The following TEX14 variants were observed in gnomAD, a reference collection of about 807,000 sequenced individuals.
TEX14 encodes the protein testis expressed 14, intercellular bridge forming factor.
TEX14 carries 168 observed loss-of-function variants against 178.6 expected under a neutral mutation model. The observed-to-expected ratio is 0.94, with a 90% confidence interval of 0.83 to 1.07. The LOEUF (loss-of-function observed/expected upper bound fraction) is 1.07. Ranked by LOEUF, TEX14 falls within the 50% of genes least tolerant of loss-of-function variation. TEX14 has a pLI of 0.00. For missense variants in TEX14, 1,730 were observed against 1,753.6 expected (o/e 0.99, Z 0.24); for synonymous variants, 626 against 634.1 (o/e 0.99, Z 0.19).
In TEX14 at chr17:58,564,997, T is replaced by G. The variant is rs754685650; in HGVS notation, c.3965-29A>C. 1.4e-5 allele frequency: 20 copies of G among 1,436,764 alleles called. No individual in the cohort carries two copies. The South Asian group carries it at 2.2e-4, about 16-fold the overall frequency. The allele number at this position is 1,436,764 out of a possible 1,614,324, so 89.0% of individuals were successfully genotyped here. On this transcript the variant is annotated intron_variant, in intron 27 of 31. Coordinates refer to ENST00000349033, the MANE Select transcript of TEX14 (RefSeq NM_031272.5). ...AAAACAGTTGAAAGAATTAACTTTA[T>G]TAGAACGAAAAAAAAATTGAGAAAG...
chr17:58,579,807 G>T, intron 19 of TEX14, 76 bp from the exon 20 acceptor site: 1 of 1,185,172 alleles, frequency 8.4e-7, no homozygotes, highest in Non-Finnish European at 1.2e-6. Flanking sequence ...ATAATTTCTT[G>T]ATGTTCTTAA....
At chr17:58,588,095 T>C (rs2045026576) in intron 15 of TEX14, 74 bp from the exon 16 acceptor site, 1 of 705,336 alleles carries the variant, frequency 1.4e-6, no homozygotes. Flanking sequence ...TTCATGATTA[T>C]AAAAGTGCTC....
At chr17:58,570,167 C>CA (rs11289066) in intron 25 of TEX14, among the ~76,000 whole-genome samples, 12 of 149,578 alleles carry the variant, frequency 8.0e-5, no homozygotes, top group Non-Finnish European at 1.0e-4. Context: ...AAAAGATATG[C>CA]AAAAAAAAAA....
Position 58,599,092 on chromosome 17 carries a change from G to A in TEX14, c.2253C>T (p.Ile751=), listed in dbSNP as rs769666781. 1.4e-5 allele frequency: 22 copies of A among 1,613,870 alleles called. No individual in the cohort carries two copies. Among genetic ancestry groups the A allele is most frequent in the East Asian group, 6.7e-5 (3 of 44,886 alleles). Reference sequence around the variant, plus strand: ...TCTCGACTTCATCTAATATCTGCTCGATATTCCTCAGCCTATCATCATTCT... The same window carrying A: ...TCTCGACTTCATCTAATATCTGCTCAATATTCCTCAGCCTATCATCATTCT... ...MHENDDRLRN[I]EQILDEVEMK... The change falls in exon 14 of 32, where the codon ATC becomes ATT. Residue 751 remains isoleucine, a synonymous_variant. Transcript: ENST00000349033.
intron 1 of TEX14, among the ~76,000 whole-genome samples, chr17:58,666,850 T>G (rs950624358): frequency 6.6e-6 from 1 of 152,220 alleles, no homozygotes; most frequent in African/African-American, 2.4e-5. Context: ...GTAACAGAGT[T>G]GTGCAAATCC....
chr17:58,565,155 T>C (rs2044371881), intron 27 of TEX14, among the ~76,000 whole-genome samples, 187 bp from the exon 28 acceptor site: 1 of 152,212 alleles, frequency 6.6e-6, no homozygotes, highest in Non-Finnish European at 1.5e-5. Context: ...TTGCAGCAGC[T>C]GCTTCTGGGG....
intron 9 of TEX14, among the ~76,000 whole-genome samples, chr17:58,613,124 T>C (rs1002123811): frequency 1.3e-5 from 2 of 150,258 alleles, no homozygotes; most frequent in Non-Finnish European, 3.0e-5. Flanking sequence ...ATCACTTGAA[T>C]CCAGGAGGTA....
Position 58,623,068 on chromosome 17 carries a change from G to A in TEX14, c.252-56C>T, listed in dbSNP as rs1598394967. On this transcript the variant is annotated intron_variant, in intron 3 of 31. Coordinates refer to ENST00000349033, the MANE Select transcript of TEX14 (RefSeq NM_031272.5). ...CATGGCAATGCTCCTGCATTCCATGGAGCGGGGCTCAGCGTGCAACACAGG... is the reference window on the plus strand; with the variant it reads ...CATGGCAATGCTCCTGCATTCCATGAAGCGGGGCTCAGCGTGCAACACAGG... The A allele has an allele frequency of 2.6e-6, 4 of 1,530,220 alleles. No individual in the cohort carries two copies. The East Asian group carries it at 9.2e-5, about 35-fold the overall frequency. 94.8% of individuals were successfully genotyped at this position (1,530,220 alleles called of 1,614,324 possible). A position where few individuals can be genotyped will look rare whatever the true frequency, so the allele number is the denominator to read the frequency against.
chr17:58,604,454 G>C (rs147921388), intron 11 of TEX14, among the ~76,000 whole-genome samples: 2,040 of 151,250 alleles, frequency 0.013, 24 homozygotes, highest in Non-Finnish European at 0.022. Context: ...CTGGGTGTCA[G>C]AGCAAGACTC....
intron 19 of TEX14, among the ~76,000 whole-genome samples, chr17:58,584,025 G>C (rs951675482): frequency 6.6e-6 from 1 of 152,176 alleles, no homozygotes; most frequent in Admixed American, 6.5e-5. Context: ...AACTGCAGTG[G>C]AAACGCATAT....
intron 1 of TEX14, among the ~76,000 whole-genome samples, chr17:58,654,218 A>G (rs1251205867): frequency 6.6e-6 from 1 of 152,114 alleles, no homozygotes; most frequent in East Asian, 1.9e-4. Flanking sequence ...CTGGTGCCTG[A>G]GTACTACAAG....
At chr17:58,581,383 G>T (rs1407280379) in intron 19 of TEX14, among the ~76,000 whole-genome samples, 2 of 151,222 alleles carry the variant, frequency 1.3e-5, no homozygotes, top group East Asian at 3.9e-4. Context: ...CCACAATTTT[G>T]GGAGAAACTG....
Position 58,598,999 on chromosome 17 carries a change from G to T in TEX14, c.2346C>A (p.Tyr782Ter), listed in dbSNP as rs1366457982. Reference sequence around the variant, plus strand: ...GAGGGCCCACGGCCAGAGGTAACTTGTAGGCATTTGTAAACTCTCTTGAAG... The same window carrying T: ...GAGGGCCCACGGCCAGAGGTAACTTTTAGGCATTTGTAAACTCTCTTGAAG... ...WATSREFTNA[Y>*]KLPLAVGPPS... Residue 782 changes from tyrosine to a stop codon, truncating the protein, a stop_gained, in exon 14 of 32, where the codon TAC (tyrosine) becomes TAA (stop). Coordinates refer to ENST00000349033, the MANE Select transcript of TEX14 (RefSeq NM_031272.5). LOFTEE classifies it high-confidence loss of function. 6.2e-7 allele frequency: 1 copy of T among 1,614,070 alleles called. No individual in the cohort carries two copies. The highest frequency in any genetic ancestry group is 1.1e-5 in the South Asian group (1 of 91,078).
intron 5 of TEX14, among the ~76,000 whole-genome samples, chr17:58,619,707 CA>C (rs753434488): frequency 2.7e-5 from 4 of 148,686 alleles, no homozygotes; most frequent in Admixed American, 6.9e-5. Flanking sequence ...GAGGCTGAGG[CA>C]GGAGAATTGC....
Position 58,631,817 on chromosome 17 carries a change from A to G in TEX14, c.137-1263T>C, listed in dbSNP as rs1023123245. On this transcript the variant is annotated intron_variant, in intron 2 of 31. Transcript: ENST00000349033. The stretch of plus-strand genomic sequence containing the variant: ...CCTCGAGAAACACACTATAGAAATT[A>G]TCCCTCAAAATATAGTCTTAATGTC... 6 of 148,944 alleles carry G rather than the reference A, an allele frequency of 4.0e-5. No homozygotes were observed. The South Asian group carries it at 8.3e-4, about 21-fold the overall frequency. 9.2% of individuals were successfully genotyped at this position (148,944 alleles called of 1,614,324 possible).
chr17:58,562,803 G>A (rs753158025), intron 28 of TEX14, among the ~76,000 whole-genome samples: 4 of 151,266 alleles, frequency 2.6e-5, no homozygotes, highest in Admixed American at 6.6e-5. Context: ...GAGCCACTGC[G>A]CCTGGCCCCT....
chr17:58,666,703 ACTTGCGT>A (rs1282387744), intron 1 of TEX14: 2 of 152,226 alleles, frequency 1.3e-5, no homozygotes, highest in Non-Finnish European at 2.9e-5. Context: ...ATTATGAGGT[ACTTGCGT>A]GACCCCAGCA....
intron 1 of TEX14, among the ~76,000 whole-genome samples, chr17:58,684,625 T>C (rs2047560383): frequency 7.1e-6 from 1 of 141,666 alleles, no homozygotes; most frequent in South Asian, 2.3e-4. Context: ...AGTGAGACCC[T>C]GTCTCAAATA....
At chr17:58,614,961 A>C (rs1029527755) in intron 8 of TEX14, among the ~76,000 whole-genome samples, 2 of 152,212 alleles carry the variant, frequency 1.3e-5, no homozygotes, top group Admixed American at 6.5e-5. Context: ...GCCTGCATGG[A>C]GGCTGCAGCA....
Sources: allele counts gnomAD v4.1 joint callset (sites outside exome capture counted in the v4.1 genomes callset), GRCh38; gene constraint gnomAD v4.1.1; transcripts MANE v1.5; gene names NCBI Gene and HGNC (gene_info 2026-07-23, HGNC 2026-07-21).